Variants in ITGA9 observed in about 807,000 individuals in gnomAD.
ITGA9 encodes the protein integrin subunit alpha 9, also known as integrin alpha-9.
Under a neutral mutation model 127.8 loss-of-function variants are expected in ITGA9, and 56 were observed. The observed-to-expected ratio is 0.44, with a 90% CI of 0.35 to 0.55. ITGA9 has a LOEUF of 0.55. Ranked by LOEUF, ITGA9 falls within the 20% of genes least tolerant of loss-of-function variation. The pLI, the probability that ITGA9 is intolerant of heterozygous loss-of-function variation, is 0.00. For missense variants in ITGA9, 1,196 were observed against 1,347.1 expected (o/e 0.89, Z 1.76); for synonymous variants, 508 against 514.5 (o/e 0.99, Z 0.17).
At chr3:37,569,496 A>G (rs993367197) in intron 15 of ITGA9, among the ~76,000 whole-genome samples, 6 of 152,212 alleles carry the variant, frequency 3.9e-5, no homozygotes, top group Non-Finnish European at 7.3e-5. Flanking sequence ...TAAAGGAGAT[A>G]TTGATAAACC....
At chr3:37,666,087 A>C (rs897036299) in intron 17 of ITGA9, among the ~76,000 whole-genome samples, 1 of 152,226 alleles carries the variant, frequency 6.6e-6, no homozygotes, top group African/African-American at 2.4e-5. Context: ...CTGCATCACA[A>C]TGCTCCCAGT....
chr3:37,671,713 A>G (rs1388463227), intron 17 of ITGA9, among the ~76,000 whole-genome samples: 1 of 152,122 alleles, frequency 6.6e-6, no homozygotes, highest in African/African-American at 2.4e-5. Flanking sequence ...GTAAATTTTA[A>G]TTGAGGTGCG....
In ITGA9 at chr3:37,646,675, G is replaced by A. The variant is rs1299763189; in HGVS notation, c.1840-7039G>A. Among the ~76,000 whole-genome samples the A allele has an allele frequency of 3.9e-5, 6 of 152,236 alleles. No homozygotes were observed. In the East Asian group the frequency reaches 9.6e-4, roughly 24 times the overall value. ...ACAGGGCTTTGGCCAACTAGCAGGT[G>A]AAGTCTGGAGGGAGGTGGAAGAGAC... On this transcript the variant is annotated intron_variant, in intron 16 of 27. Transcript: ENST00000264741.
At chr3:37,756,776 A>G (rs1408620923) in intron 23 of ITGA9, among the ~76,000 whole-genome samples, 1 of 152,246 alleles carries the variant, frequency 6.6e-6, no homozygotes, top group Non-Finnish European at 1.5e-5. Flanking sequence ...ATAAGCATCA[A>G]TGGAATTTTT....
intron 9 of ITGA9, among the ~76,000 whole-genome samples, chr3:37,515,620 TG>T (rs1698976851): frequency 6.6e-6 from 1 of 152,128 alleles, no homozygotes; most frequent in South Asian, 2.1e-4. Flanking sequence ...TGCTTGCCTG[TG>T]GTCCCAGCTG....
chr3:37,578,965 C>T (rs903059300), intron 15 of ITGA9, among the ~76,000 whole-genome samples: 7 of 152,020 alleles, frequency 4.6e-5, no homozygotes, highest in Admixed American at 2.6e-4. Context: ...TGAGATGGTT[C>T]GTAATTGATT....
chr3:37,486,065 C>G (rs1187113476), intron 4 of ITGA9, among the ~76,000 whole-genome samples: 2 of 152,206 alleles, frequency 1.3e-5, no homozygotes, highest in Non-Finnish European at 2.9e-5. Context: ...AATGTTAAGT[C>G]AATGCATGTG....
At chr3:37,470,109 C>T (rs967395735) in intron 1 of ITGA9, among the ~76,000 whole-genome samples, 3 of 149,898 alleles carry the variant, frequency 2.0e-5, no homozygotes, top group Non-Finnish European at 3.0e-5. Context: ...CCTGTCCACT[C>T]TAGCACTGAT....
intron 8 of ITGA9, among the ~76,000 whole-genome samples, chr3:37,510,518 C>T (rs1698893524): frequency 6.6e-6 from 1 of 152,130 alleles, no homozygotes; most frequent in African/African-American, 2.4e-5. Flanking sequence ...AGAACCTATG[C>T]TCAAGTTGAT....
At chr3:37,722,847 G>T (rs1024766936) in intron 18 of ITGA9, among the ~76,000 whole-genome samples, 6 of 152,204 alleles carry the variant, frequency 3.9e-5, no homozygotes, top group South Asian at 2.1e-4. Context: ...GAGTGGGATT[G>T]CTGGGTTACA....
At chr3:37,588,855 A>G (rs1699785849) in intron 15 of ITGA9, among the ~76,000 whole-genome samples, 1 of 152,166 alleles carries the variant, frequency 6.6e-6, no homozygotes, top group Non-Finnish European at 1.5e-5. Flanking sequence ...TTTCCTAGCA[A>G]GTGCCCTGTC....
At chr3:37,755,415 G>A (rs1350816300) in intron 23 of ITGA9, among the ~76,000 whole-genome samples, 1 of 151,944 alleles carries the variant, frequency 6.6e-6, no homozygotes, top group Admixed American at 6.6e-5. Context: ...TCAACACCAG[G>A]GCAGAGAGGC....
At chr3:37,560,197 T>C (rs2125599271) in intron 15 of ITGA9, among the ~76,000 whole-genome samples, 1 of 152,048 alleles carries the variant, frequency 6.6e-6, no homozygotes, top group South Asian at 2.1e-4. Context: ...TGAGAACATG[T>C]AGTGTTTGGT....
intron 5 of ITGA9, among the ~76,000 whole-genome samples, chr3:37,494,978 CTTGT>C (rs1698712565): frequency 6.6e-6 from 1 of 152,142 alleles, no homozygotes; most frequent in African/African-American, 2.4e-5. Flanking sequence ...AGTGGAGAGA[CTTGT>C]TTGTTTTTCG....
At chr3:37,526,229 T>C (rs564918699) in intron 13 of ITGA9, among the ~76,000 whole-genome samples, 158 bp downstream of exon 13, 84 of 152,174 alleles carry the variant, frequency 5.5e-4, no homozygotes, top group Admixed American at 9.2e-4. Flanking sequence ...AATTATTCTC[T>C]ATCCCAGAGT....
chr3:37,570,966 C>T (rs995487966), intron 15 of ITGA9, among the ~76,000 whole-genome samples: 2 of 152,182 alleles, frequency 1.3e-5, no homozygotes, highest in African/African-American at 4.8e-5. Flanking sequence ...TGCCATTCTC[C>T]AATTGCTTAA....
chr3:37,785,219 C>A, intron 26 of ITGA9, 141 bp downstream of exon 26: 2 of 706,484 alleles, frequency 2.8e-6, no homozygotes, highest in Non-Finnish European at 5.2e-6. Context: ...ACTATGCCTG[C>A]CTTGGCTTCC....
At chr3:37,665,096 C>T (rs1318859688) in intron 17 of ITGA9, among the ~76,000 whole-genome samples, 2 of 151,834 alleles carry the variant, frequency 1.3e-5, no homozygotes, top group Non-Finnish European at 2.9e-5. Context: ...CCTCAGCCTC[C>T]CGAGTAGCTG....
At chr3:37,708,265 C>T (rs1458245458) in intron 18 of ITGA9, among the ~76,000 whole-genome samples, 1 of 152,164 alleles carries the variant, frequency 6.6e-6, no homozygotes, top group East Asian at 1.9e-4. Flanking sequence ...TGTAGGGTTC[C>T]AAAAGAGTGA....
Sources: allele counts gnomAD v4.1 joint callset (sites outside exome capture counted in the v4.1 genomes callset), GRCh38; gene constraint gnomAD v4.1.1; transcripts MANE v1.5; gene names NCBI Gene and HGNC (gene_info 2026-07-23, HGNC 2026-07-21).